Variants in ARHGEF4 observed in about 807,000 individuals in gnomAD.
ARHGEF4 encodes Rho guanine nucleotide exchange factor 4.
Under a neutral mutation model 162.0 loss-of-function variants are expected in ARHGEF4, and 119 were observed. The observed-to-expected ratio is 0.73, with a 90% confidence interval of 0.63 to 0.86. ARHGEF4 has a LOEUF of 0.86. Ranked by LOEUF, ARHGEF4 falls within the 40% of genes least tolerant of loss-of-function variation. The pLI, the probability that ARHGEF4 is intolerant of heterozygous loss-of-function variation, is 0.00. For synonymous variants in ARHGEF4, 1,014 were observed against 979.9 expected (o/e 1.03, Z -0.65); for missense variants, 2,488 against 2,456.0 (o/e 1.01, Z -0.28).
chr2:131,034,248 G>A (rs992236583), intron 5 of ARHGEF4, among the ~76,000 whole-genome samples: 4 of 152,188 alleles, frequency 2.6e-5, no homozygotes, highest in African/African-American at 9.6e-5. Context: ...GCCCATGCCT[G>A]AGCGGAGTGT....
chr2:130,916,493 C>T lies in ARHGEF4; in HGVS notation c.2547C>T (p.His849=), dbSNP rs1277990479. The change falls in exon 2 of 14, where the codon CAC becomes CAT. Residue 849 remains histidine, a synonymous_variant. Transcript: ENST00000409359. ...AAAGRDAPPL[H]HGDASAWPEF... ...CCGGTCGGGACGCACCGCCTCTGCA[C>T]CACGGGGACGCCAGCGCCTGGCCCG... The T allele has an allele frequency of 1.9e-6, 3 of 1,547,470 alleles. No homozygotes were observed. The highest frequency in any genetic ancestry group is 2.6e-6 in the Non-Finnish European group (3 of 1,146,660).
rs562959452 is a variant in ARHGEF4 at position 131,046,358 on chromosome 2, T to G, written c.*169T>G. On this transcript the variant is annotated 3_prime_UTR_variant, in exon 14 of 14. Transcript: ENST00000409359. ...GCCAGGTCTGTACTCCTGTTGTCTT[T>G]TTCCCTGCTCCTGGTGCCCTGAAGA... 1 of 695,896 alleles carries G rather than the reference T, an allele frequency of 1.4e-6. No homozygotes were observed. The highest frequency in any genetic ancestry group is 2.3e-6 in the Non-Finnish European group (1 of 425,818). 43.1% of individuals were successfully genotyped at this position (695,896 alleles called of 1,614,324 possible).
At chr2:130,988,913 G>T (rs1301539993) in intron 4 of ARHGEF4, among the ~76,000 whole-genome samples, 5 of 148,702 alleles carry the variant, frequency 3.4e-5, no homozygotes, top group Admixed American at 1.3e-4. Flanking sequence ...GAGAGAGAGA[G>T]AGAGAGAGAG....
At chr2:131,039,133 C>T (rs1690546009) in intron 6 of ARHGEF4, 101 bp downstream of exon 6, 6 of 1,408,958 alleles carry the variant, frequency 4.3e-6, no homozygotes, top group Non-Finnish European at 5.6e-6. Flanking sequence ...ATCCTAGGTG[C>T]AGAGCACTGG....
At chr2:130,925,035 A>T (rs901120358) in intron 2 of ARHGEF4, among the ~76,000 whole-genome samples, 4 of 137,884 alleles carry the variant, frequency 2.9e-5, no homozygotes, top group South Asian at 2.5e-4. Context: ...AGGAGTTCTA[A>T]GTGTGTGTGT....
intron 1 of ARHGEF4, among the ~76,000 whole-genome samples, chr2:130,867,333 G>A (rs1406665622): frequency 2.6e-5 from 4 of 151,822 alleles, no homozygotes; most frequent in African/African-American, 4.8e-5. Flanking sequence ...CCGTCTCCCG[G>A]GTTCAAGTGA....
chr2:130,879,210 T>C (rs1344865777), intron 1 of ARHGEF4, among the ~76,000 whole-genome samples: 1 of 152,264 alleles, frequency 6.6e-6, no homozygotes, highest in African/African-American at 2.4e-5. Context: ...TCAGGCAACT[T>C]ATTGAGCAAA....
At chr2:130,902,361 A>C in intron 1 of ARHGEF4, among the ~76,000 whole-genome samples, 1 of 152,110 alleles carries the variant, frequency 6.6e-6, no homozygotes, top group East Asian at 1.9e-4. Context: ...TGGGAGGCGA[A>C]GGTGGGCAGA....
At chr2:130,988,895 TATATATAGAGAGAGAG>T (rs1157899674) in intron 4 of ARHGEF4, among the ~76,000 whole-genome samples, 43 of 109,098 alleles carry the variant, frequency 3.9e-4, no homozygotes, top group African/African-American at 8.6e-4. Context: ...TATATATATA[TATATATAGAGAGAGAG>T]AGAGAGAGAG....
At position 131,046,116 on chromosome 2, in the gene ARHGEF4, T is replaced by C. The variant is rs1691240601; in HGVS notation, c.5558T>C (p.Val1853Ala). Residue 1853 changes from valine to alanine, a missense_variant, in exon 14 of 14, where the codon GTG (valine) becomes GCG (alanine). Physicochemically the swap from Val to Ala is moderately conservative, Grantham distance 64 (BLOSUM62 0). Transcript: ENST00000409359. ...PSNRPQQQVL[V>A]LAEPRRKPST... ...AACCGGCCCCAGCAGCAGGTCCTGG[T>C]GCTGGCGGAGCCCAGGCGCAAGCCA... The C allele has an allele frequency of 6.2e-7, 1 of 1,612,960 alleles. No individual in the cohort carries two copies.
rs2105149191 is a variant in ARHGEF4 at position 130,946,582 on chromosome 2, G to T, written c.3932G>T (p.Ser1311Ile). Residue 1311 changes from serine to isoleucine, a missense_variant, in exon 4 of 14, where the codon AGT becomes ATT. By Grantham distance (142) the Ser-to-Ile change is moderately radical. Transcript: ENST00000409359. ...AGAAGAAGCCATCCACTCTCCCAGA[G>T]TGCTCCAACGGGACTGAACCACATG... ...LPRRSHPLSQ[S>I]APTGLNHMGW... 1.9e-6 allele frequency: 3 copies of T among 1,614,112 alleles called. No homozygotes were observed. In the South Asian group the frequency reaches 3.3e-5, roughly 18 times the overall value.
At chr2:130,961,076 GGCCCC>G (rs1334567565) in intron 4 of ARHGEF4, among the ~76,000 whole-genome samples, 5 of 152,152 alleles carry the variant, frequency 3.3e-5, no homozygotes, top group Non-Finnish European at 7.4e-5. Flanking sequence ...ACACACCTCA[GGCCCC>G]TGAAAGTCCT....
At chr2:130,951,191 C>T (rs12987736) in intron 4 of ARHGEF4, among the ~76,000 whole-genome samples, 77,180 of 152,132 alleles carry the variant, frequency 0.51, 23,576 homozygotes, top group Non-Finnish European at 0.66. Flanking sequence ...GTTTCACTTT[C>T]TTATTCATGT....
At chr2:131,004,465 C>T (rs770583207) in intron 4 of ARHGEF4, among the ~76,000 whole-genome samples, 10 of 152,156 alleles carry the variant, frequency 6.6e-5, no homozygotes, top group Non-Finnish European at 1.0e-4. Flanking sequence ...GCACCCAGCC[C>T]TCTCTGTTTT....
At chr2:130,984,820 A>C (rs1278946861) in intron 4 of ARHGEF4, among the ~76,000 whole-genome samples, 2 of 152,160 alleles carry the variant, frequency 1.3e-5, no homozygotes, top group African/African-American at 4.8e-5. Flanking sequence ...AAACTGAAAC[A>C]GTTGGGGTGC....
intron 1 of ARHGEF4, among the ~76,000 whole-genome samples, chr2:130,892,314 C>T (rs1290327508): frequency 6.6e-6 from 1 of 152,150 alleles, no homozygotes; most frequent in Non-Finnish European, 1.5e-5. Context: ...CTCCAGTAGA[C>T]GTCGACTGGG....
Position 130,915,008 on chromosome 2 carries a change from G to T in ARHGEF4, c.1062G>T (p.Gln354His). ...SPECPEDPVGQNVVKSGTHVK... is the reference protein window; with the variant it reads ...SPECPEDPVGHNVVKSGTHVK... ...AGTGCCCCGAGGATCCCGTGGGACA[G>T]AATGTTGTGAAGTCTGGGACCCATG... The change falls in exon 2 of 14, where the codon CAG becomes CAT. Residue 354 changes from glutamine to histidine, a missense_variant. Coordinates refer to ENST00000409359, the MANE Select transcript of ARHGEF4 (RefSeq NM_001367493.1). 1 of 1,550,640 alleles carries T rather than the reference G, an allele frequency of 6.4e-7. No homozygotes were observed. Among genetic ancestry groups the T allele is most frequent in the Non-Finnish European group, 8.7e-7 (1 of 1,147,006 alleles).
intron 1 of ARHGEF4, among the ~76,000 whole-genome samples, chr2:130,880,654 C>A (rs983850801): frequency 1.3e-5 from 2 of 152,218 alleles, no homozygotes; most frequent in Non-Finnish European, 2.9e-5. Flanking sequence ...CCTGCCCCAG[C>A]CCCCTGATTA....
chr2:130,987,452 G>C (rs997939238), intron 4 of ARHGEF4, among the ~76,000 whole-genome samples: 5 of 152,232 alleles, frequency 3.3e-5, no homozygotes, highest in African/African-American at 1.2e-4. Flanking sequence ...TCCACAGCAT[G>C]GAACAGGACC....
Sources: allele counts gnomAD v4.1 joint callset (sites outside exome capture counted in the v4.1 genomes callset), GRCh38; gene constraint gnomAD v4.1.1; transcripts MANE v1.5; gene names NCBI Gene and HGNC (gene_info 2026-07-23, HGNC 2026-07-21).